CDH13: variants seen among roughly 807,000 people sequenced by gnomAD.
CDH13 encodes the protein cadherin-13.
In CDH13, 24 loss-of-function variants were observed where a neutral mutation model predicts 63.8. That is an observed-to-expected ratio of 0.38 (90% CI 0.27 to 0.53). The LOEUF is 0.53. Among genes scored for constraint, CDH13 ranks in the 20% least tolerant of loss-of-function variants. The pLI is 0.85. For missense variants in CDH13, 1,049 were observed against 903.1 expected, an observed-to-expected ratio of 1.16 and a Z score of -2.07; for synonymous variants, 503 against 355.3, an observed-to-expected ratio of 1.42 and a Z score of -4.67.
intron 5 of CDH13, among the ~76,000 whole-genome samples, chr16:83,248,035 A>T (rs112483385): frequency 0.015 from 2,221 of 152,244 alleles, 58 homozygotes; most frequent in Non-Finnish European, 0.014. Context: ...GGCAAGATGA[A>T]TCTGGAGGGG....
At chr16:82,983,067 G>A (rs980014146) in intron 2 of CDH13, among the ~76,000 whole-genome samples, 4 of 152,120 alleles carry the variant, frequency 2.6e-5, no homozygotes, top group South Asian at 2.1e-4. Context: ...TTGGGCTGAC[G>A]CTATGGTTTT....
chr16:82,954,304 C>A (rs1597285367), intron 2 of CDH13: 1 of 152,162 alleles, frequency 6.6e-6, no homozygotes, highest in African/African-American at 2.4e-5. Context: ...ACTTCCAGTT[C>A]ACCCTGTGGA....
intron 10 of CDH13, among the ~76,000 whole-genome samples, chr16:83,701,548 C>T (rs1255165891): frequency 1.3e-5 from 2 of 152,176 alleles, no homozygotes; most frequent in African/African-American, 2.4e-5. Context: ...GTTTGAGCTA[C>T]AACTAAAACC....
chr16:82,784,165 A>G (rs926912129), intron 1 of CDH13, among the ~76,000 whole-genome samples: 9 of 152,160 alleles, frequency 5.9e-5, no homozygotes, highest in Admixed American at 5.9e-4. Flanking sequence ...TGCTTACCCA[A>G]CAGCTCTAGT....
intron 1 of CDH13, among the ~76,000 whole-genome samples, chr16:82,769,424 G>A (rs576754618): frequency 6.6e-6 from 1 of 152,226 alleles, no homozygotes; most frequent in South Asian, 2.1e-4. Context: ...TTAGAAAATG[G>A]GGTATTAAAA....
intron 2 of CDH13, among the ~76,000 whole-genome samples, chr16:82,980,270 C>T (rs986351563): frequency 6.6e-6 from 1 of 152,174 alleles, no homozygotes; most frequent in Non-Finnish European, 1.5e-5. Flanking sequence ...GATTCCTTTT[C>T]TCCCTGCCTT....
At chr16:83,723,055 A>G (rs1169182039) in intron 10 of CDH13, among the ~76,000 whole-genome samples, 1 of 152,204 alleles carries the variant, frequency 6.6e-6, no homozygotes, top group Non-Finnish European at 1.5e-5. Flanking sequence ...GTGCATTTTT[A>G]AAATATGGAA....
At chr16:83,334,361 TCACACACACACA>T (rs1208427532) in intron 5 of CDH13, among the ~76,000 whole-genome samples, 79 of 85,622 alleles carry the variant, frequency 9.2e-4, no homozygotes, top group East Asian at 1.5e-3. Flanking sequence ...TCTCTCTCTC[TCACACACACACA>T]CACACACACA....
chr16:82,939,710 G>A (rs969616494), intron 2 of CDH13, among the ~76,000 whole-genome samples: 8 of 152,182 alleles, frequency 5.3e-5, no homozygotes, highest in Admixed American at 3.9e-4. Context: ...TCTCCTCACC[G>A]GTTCCCACTA....
In CDH13 at chr16:83,101,380, CTA is replaced by C. The variant is rs902307046; in HGVS notation, c.367-24003_367-24002del. Among the ~76,000 whole-genome samples, 13 of 149,076 alleles carry C rather than the reference CTA, an allele frequency of 8.7e-5. No individual in the cohort carries two copies. The East Asian group carries it at 2.5e-3, about 29-fold the overall frequency. On this transcript the variant is annotated intron_variant, in intron 3 of 13. Coordinates refer to ENST00000567109, the MANE Select transcript of CDH13 (RefSeq NM_001257.5). Reference sequence around the variant, plus strand: ...AACACCATATATATGCTTATATACTCTATGTCTATTATATATAGTAATGTATA... The same window carrying C: ...AACACCATATATATGCTTATATACTCTGTCTATTATATATAGTAATGTATA...
chr16:83,451,765 A>G (rs2072893104), intron 6 of CDH13, among the ~76,000 whole-genome samples: 1 of 152,178 alleles, frequency 6.6e-6, no homozygotes, highest in Non-Finnish European at 1.5e-5. Flanking sequence ...TGATCCTCCT[A>G]TCTTGGCCTC....
intron 10 of CDH13, chr16:83,739,836 C>G (rs1334741862): frequency 6.6e-6 from 1 of 152,188 alleles, no homozygotes; most frequent in Non-Finnish European, 1.5e-5. Context: ...CCTACCCACT[C>G]AGTGTGTGCG....
intron 12 of CDH13, among the ~76,000 whole-genome samples, chr16:83,782,787 T>A (rs1348253611): frequency 6.7e-6 from 1 of 149,392 alleles, no homozygotes; most frequent in Non-Finnish European, 1.5e-5. Flanking sequence ...ATAGAACCCA[T>A]CTCCATGATA....
At chr16:83,045,661 A>G (rs1917715017) in intron 3 of CDH13, among the ~76,000 whole-genome samples, 1 of 144,404 alleles carries the variant, frequency 6.9e-6, no homozygotes, top group Non-Finnish European at 1.5e-5. Context: ...AAAAAAAAAG[A>G]TGGGTCTGCA....
intron 1 of CDH13, among the ~76,000 whole-genome samples, chr16:82,634,470 T>G (rs2150872845): frequency 6.6e-6 from 1 of 152,336 alleles, no homozygotes; most frequent in South Asian, 2.1e-4. Flanking sequence ...GTATCCCTCC[T>G]CAACTGCCAT....
chr16:83,070,736 A>G (rs1213682548), intron 3 of CDH13, among the ~76,000 whole-genome samples: 1 of 152,094 alleles, frequency 6.6e-6, no homozygotes, highest in Non-Finnish European at 1.5e-5. Flanking sequence ...GGGATTGTAA[A>G]TCAGGAGCCA....
intron 2 of CDH13, among the ~76,000 whole-genome samples, chr16:82,977,398 C>G (rs974529441): frequency 2.0e-5 from 3 of 152,218 alleles, no homozygotes; most frequent in Non-Finnish European, 4.4e-5. Context: ...CCACCCAAAT[C>G]TCATCTTGAA....
intron 5 of CDH13, among the ~76,000 whole-genome samples, chr16:83,266,918 C>A (rs958662428): frequency 6.6e-6 from 1 of 152,236 alleles, no homozygotes; most frequent in Non-Finnish European, 1.5e-5. Context: ...CTCTACCTCT[C>A]AGCTGAGCCC....
At chr16:82,975,275 C>T (rs185754570) in intron 2 of CDH13, among the ~76,000 whole-genome samples, 5 of 152,248 alleles carry the variant, frequency 3.3e-5, no homozygotes, top group Admixed American at 2.0e-4. Flanking sequence ...CAAGGGGCTA[C>T]ATGGAGAGTA....
Sources: gnomAD v4.1 joint callset for allele counts (sites outside exome capture counted in the v4.1 genomes callset) on GRCh38, gnomAD v4.1.1 for gene constraint, MANE v1.5 for transcripts, NCBI Gene and HGNC (gene_info 2026-07-23, HGNC 2026-07-21) for gene names.